The following SGCZ variants were observed in gnomAD, a reference collection of about 807,000 sequenced individuals.
SGCZ encodes the protein zeta-sarcoglycan.
Under a neutral mutation model 41.3 loss-of-function variants are expected in SGCZ, and 40 were observed. The observed-to-expected ratio is 0.97, with a 90% CI of 0.75 to 1.26. The LOEUF (loss-of-function observed/expected upper bound fraction) is 1.26, where lower values mean the gene tolerates loss of function less well. Ranked by LOEUF, SGCZ falls within the 50% of genes most tolerant of loss-of-function variation. The pLI, the probability that SGCZ is intolerant of heterozygous loss-of-function variation, is 0.00. For missense variants in SGCZ, 552 were observed against 369.8 expected, an observed-to-expected ratio of 1.49 and a Z score of -4.04; for synonymous variants, 206 against 137.5, an observed-to-expected ratio of 1.50 and a Z score of -3.49.
chr8:14,670,353 A>G (rs1032473419), intron 1 of SGCZ, among the ~76,000 whole-genome samples: 1 of 152,158 alleles, frequency 6.6e-6, no homozygotes, highest in Admixed American at 6.6e-5. Flanking sequence ...CTGTACTTCA[A>G]TTTATATCTA....
intron 3 of SGCZ, among the ~76,000 whole-genome samples, chr8:14,319,721 T>C (rs1374107008): frequency 6.6e-6 from 1 of 151,950 alleles, no homozygotes; most frequent in Non-Finnish European, 1.5e-5. Context: ...TGAATGTAAA[T>C]ATTATGAATT....
chr8:14,154,893 A>T (rs981709669), intron 5 of SGCZ, among the ~76,000 whole-genome samples: 1 of 152,136 alleles, frequency 6.6e-6, no homozygotes, highest in Non-Finnish European at 1.5e-5. Flanking sequence ...CATGGGGGTG[A>T]GCCAGTCTTC....
chr8:14,594,521 G>A lies in SGCZ; in HGVS notation c.40-39595C>T, dbSNP rs139372763. Among the ~76,000 whole-genome samples the A allele has an allele frequency of 5.7e-3, 863 of 150,246 alleles. 23 individuals carry two copies. The highest frequency in any genetic ancestry group is 0.02 in the African/African-American group (800 of 39,704). On this transcript the variant is annotated intron_variant, in intron 1 of 7. Coordinates refer to ENST00000382080, the MANE Select transcript of SGCZ (RefSeq NM_139167.4). ...GATCAAACAAGAAAATATAATTCCC[G>A]TGGACTATAAAGCCATATAAAAGCA...
chr8:15,112,060 G>A (rs1585574891), intron 1 of SGCZ, among the ~76,000 whole-genome samples: 1 of 152,142 alleles, frequency 6.6e-6, no homozygotes, highest in Non-Finnish European at 1.5e-5. Flanking sequence ...CTATCTCACT[G>A]TTGCTCTCTT....
chr8:15,187,203 T>G (rs2117101486), intron 1 of SGCZ, among the ~76,000 whole-genome samples: 1 of 152,286 alleles, frequency 6.6e-6, no homozygotes, highest in Admixed American at 6.5e-5. Context: ...GTACAATATT[T>G]CCTTTCAGCT....
intron 1 of SGCZ, among the ~76,000 whole-genome samples, chr8:15,021,187 T>C (rs942418847): frequency 2.0e-5 from 3 of 152,208 alleles, no homozygotes; most frequent in Non-Finnish European, 4.4e-5. Flanking sequence ...GCAAATCTAA[T>C]AGATTTAGAA....
chr8:14,102,274 T>TGAAA, intron 7 of SGCZ, 102 bp downstream of exon 7: 1 of 1,199,838 alleles, frequency 8.3e-7, no homozygotes, highest in Non-Finnish European at 1.1e-6. Context: ...TATTTTCTAC[T>TGAAA]GAAAGATATT....
At chr8:14,676,028 A>T (rs1808266610) in intron 1 of SGCZ, among the ~76,000 whole-genome samples, 1 of 152,182 alleles carries the variant, frequency 6.6e-6, no homozygotes, top group Non-Finnish European at 1.5e-5. Context: ...GTATTTGAGA[A>T]AACTACTGAG....
intron 1 of SGCZ, among the ~76,000 whole-genome samples, chr8:15,231,814 G>C (rs148005441): frequency 0.023 from 3,439 of 151,730 alleles, 59 homozygotes; most frequent in Middle Eastern, 0.041. Flanking sequence ...TAGAAACAGG[G>C]TTTCACCGTG....
At chr8:14,199,571 G>C (rs1258470178) in intron 4 of SGCZ, among the ~76,000 whole-genome samples, 2 of 151,954 alleles carry the variant, frequency 1.3e-5, no homozygotes, top group Non-Finnish European at 2.9e-5. Flanking sequence ...ATAAAAACTT[G>C]CTGGTTTTAC....
At chr8:15,125,973 C>T (rs1012672391) in intron 1 of SGCZ, among the ~76,000 whole-genome samples, 1 of 152,068 alleles carries the variant, frequency 6.6e-6, no homozygotes. Flanking sequence ...TGGTGAAACC[C>T]CGTCTCCACT....
At chr8:15,232,416 G>T (rs1027773799) in intron 1 of SGCZ, among the ~76,000 whole-genome samples, 3 of 152,054 alleles carry the variant, frequency 2.0e-5, no homozygotes, top group Non-Finnish European at 4.4e-5. Flanking sequence ...TGGAACATAT[G>T]CTAAGTAATG....
At chr8:14,576,592 A>C (rs2117245221) in intron 1 of SGCZ, among the ~76,000 whole-genome samples, 1 of 152,336 alleles carries the variant, frequency 6.6e-6, no homozygotes, top group Non-Finnish European at 1.5e-5. Flanking sequence ...CAATTTTAGC[A>C]GTCAGTCTCT....
chr8:14,284,031 T>C (rs534206558), intron 3 of SGCZ, among the ~76,000 whole-genome samples: 2 of 152,244 alleles, frequency 1.3e-5, no homozygotes, highest in African/African-American at 4.8e-5. Flanking sequence ...TTAATCTTTC[T>C]TGTGAATTGG....
At chr8:14,115,088 G>A (rs566842951) in intron 5 of SGCZ, among the ~76,000 whole-genome samples, 34 of 151,908 alleles carry the variant, frequency 2.2e-4, no homozygotes, top group Admixed American at 1.3e-3. Flanking sequence ...AGCTTTCTTC[G>A]TTACTCTTAC....
intron 2 of SGCZ, among the ~76,000 whole-genome samples, chr8:14,366,304 G>A (rs375252672): frequency 1.3e-5 from 2 of 152,078 alleles, no homozygotes; most frequent in Admixed American, 6.6e-5. Context: ...AGGAGCAAAG[G>A]CCCATCATAC....
intron 1 of SGCZ, among the ~76,000 whole-genome samples, chr8:14,565,468 G>C (rs897375155): frequency 3.9e-5 from 6 of 152,046 alleles, no homozygotes; most frequent in Non-Finnish European, 7.3e-5. Context: ...TTCCTGCTCA[G>C]AGGTTATCAA....
chr8:14,907,270 C>T (rs1162536635), intron 1 of SGCZ, among the ~76,000 whole-genome samples: 1 of 152,072 alleles, frequency 6.6e-6, no homozygotes, highest in Non-Finnish European at 1.5e-5. Context: ...TCATGGCTCA[C>T]CGCAGCCTTG....
chr8:14,152,567 G>C (rs150459504), intron 5 of SGCZ, among the ~76,000 whole-genome samples: 28 of 152,236 alleles, frequency 1.8e-4, no homozygotes, highest in Admixed American at 3.3e-4. Flanking sequence ...AGGATGTGAA[G>C]AAATTGAATT....
Sources: gnomAD v4.1 joint callset for allele counts (sites outside exome capture counted in the v4.1 genomes callset) on GRCh38, gnomAD v4.1.1 for gene constraint, MANE v1.5 for transcripts, NCBI Gene and HGNC (gene_info 2026-07-23, HGNC 2026-07-21) for gene names.